The following PRICKLE1 variants were observed in gnomAD, a reference collection of about 807,000 sequenced individuals.
The protein encoded by PRICKLE1 is prickle planar cell polarity protein 1.
Under a neutral mutation model 70.2 loss-of-function variants are expected in PRICKLE1, and 14 were observed. The observed-to-expected ratio is 0.20, with a 90% confidence interval of 0.13 to 0.31. The LOEUF (loss-of-function observed/expected upper bound fraction) is 0.31. Among genes scored for constraint, PRICKLE1 ranks in the 10% least tolerant of loss-of-function variants. The pLI is 1.00. For synonymous variants in PRICKLE1, 357 were observed against 379.9 expected (o/e 0.94, Z 0.70); for missense variants, 821 against 1,026.2 (o/e 0.80, Z 2.73).
chr12:42,467,853 T>C (rs1938163279), intron 5 of PRICKLE1, among the ~76,000 whole-genome samples: 1 of 152,180 alleles, frequency 6.6e-6, no homozygotes, highest in African/African-American at 2.4e-5. Flanking sequence ...CAAAGTTTAT[T>C]GTCATAGATT....
intron 1 of PRICKLE1, among the ~76,000 whole-genome samples, chr12:42,485,151 T>G (rs1938953728): frequency 6.7e-6 from 1 of 148,710 alleles, no homozygotes; most frequent in African/African-American, 2.5e-5. Flanking sequence ...TAAAAATACA[T>G]AAACAAGTTG....
chr12:42,496,723 G>T (rs538876239), intron 1 of PRICKLE1, among the ~76,000 whole-genome samples: 27 of 152,036 alleles, frequency 1.8e-4, no homozygotes, highest in Middle Eastern at 3.4e-3. Flanking sequence ...CTTCTTTCCT[G>T]AAACCTCATG....
chr12:42,498,592 G>C (rs188295098), intron 1 of PRICKLE1, among the ~76,000 whole-genome samples: 1 of 152,104 alleles, frequency 6.6e-6, no homozygotes, highest in Admixed American at 6.6e-5. Flanking sequence ...AGACCAACCT[G>C]GACAATAGGA....
Position 42,458,541 on chromosome 12 carries a change from C to T in PRICKLE1, c.*1268G>A, listed in dbSNP as rs1398461960. The T allele has an allele frequency of 6.6e-6, 1 of 152,194 alleles. No individual in the cohort carries two copies. The highest frequency in any genetic ancestry group is 1.5e-5 in the Non-Finnish European group (1 of 68,044). 9.4% of individuals were successfully genotyped at this position (152,194 alleles called of 1,614,324 possible). A position where few individuals can be genotyped will look rare whatever the true frequency, so the allele number is the denominator to read the frequency against. ...TATTAACTTACAGTACTCAATGGCACAGCATCCTCTAATTTAAAGATTTTA... is the reference window on the plus strand; with the variant it reads ...TATTAACTTACAGTACTCAATGGCATAGCATCCTCTAATTTAAAGATTTTA... On this transcript the variant is annotated 3_prime_UTR_variant, in exon 8 of 8. Transcript: ENST00000345127.
At position 42,472,364 on chromosome 12, in the gene PRICKLE1, AT is replaced by A. The variant is rs1938358501; in HGVS notation, c.132+20del. 6.2e-7 allele frequency: 1 copy of A among 1,613,920 alleles called. No homozygotes were observed. The highest frequency in any genetic ancestry group is 1.1e-5 in the South Asian group (1 of 91,072). ...TCACACTGAAAAACAAAGAGTAAAT[AT>A]AGGATGATGAAGTTCCTACCTGCTC... On this transcript the variant is annotated intron_variant, in intron 2 of 7. Coordinates refer to ENST00000345127, the MANE Select transcript of PRICKLE1 (RefSeq NM_153026.3).
intron 6 of PRICKLE1, 37 bp from the exon 7 acceptor site, chr12:42,465,295 G>A: frequency 6.2e-7 from 1 of 1,607,694 alleles, no homozygotes; most frequent in Non-Finnish European, 8.5e-7. Context: ...ACAGGTTATG[G>A]TTTAATGCCT....
At chr12:42,471,643 A>G (rs1358439820) in intron 2 of PRICKLE1, among the ~76,000 whole-genome samples, 1 of 152,212 alleles carries the variant, frequency 6.6e-6, no homozygotes, top group Non-Finnish European at 1.5e-5. Flanking sequence ...ACCCTACAGG[A>G]AACAGAACCC....
chr12:42,521,431 G>A (rs1939706413), intron 1 of PRICKLE1, among the ~76,000 whole-genome samples: 1 of 152,102 alleles, frequency 6.6e-6, no homozygotes, highest in Non-Finnish European at 1.5e-5. Flanking sequence ...CTACTGCAGT[G>A]GCTCATACCT....
At position 42,522,533 on chromosome 12, in the gene PRICKLE1, G is replaced by GA. The variant is rs1939729974; in HGVS notation, c.-48-49970dup. 2.0e-5 allele frequency among the ~76,000 whole-genome samples: 3 copies of GA among 152,148 alleles called. No individual in the cohort carries two copies. The South Asian group carries it at 6.2e-4, about 32-fold the overall frequency. On this transcript the variant is annotated intron_variant, in intron 1 of 7. Coordinates refer to ENST00000345127, the MANE Select transcript of PRICKLE1 (RefSeq NM_153026.3). ...AAATTATATAAAAATATATTTATAT[G>GA]AAAATGTATCTTGCTTAAATAAGTT...
intron 1 of PRICKLE1, among the ~76,000 whole-genome samples, chr12:42,544,004 A>C (rs55648327): frequency 0.068 from 10,391 of 152,318 alleles, 443 homozygotes; most frequent in Middle Eastern, 0.11. Flanking sequence ...ATTAAGTGGA[A>C]GTGGATAATC....
At chr12:42,575,044 C>T (rs1488904275) in intron 1 of PRICKLE1, among the ~76,000 whole-genome samples, 1 of 150,922 alleles carries the variant, frequency 6.6e-6, no homozygotes, top group Non-Finnish European at 1.5e-5. Flanking sequence ...TCATGGAAAG[C>T]TCTTACAGTA....
rs34778200 is a variant in PRICKLE1, at chr12:42,466,225, C to T, written c.744G>A (p.Ala248=). 2.0e-3 allele frequency: 3,290 copies of T among 1,614,156 alleles called. 63 individuals carry two copies. In the African/African-American group the frequency reaches 0.038, roughly 19 times the overall value. The change falls in exon 6 of 8, where the codon GCG becomes GCA. Residue 248 remains alanine, a synonymous_variant. Transcript: ENST00000345127. Reference sequence around the variant, plus strand: ...GTTCCCCACAGGTTTCACAGTACTCCGCATAGAGAGACTCAAAACAGCCAC... The same window carrying T: ...GTTCCCCACAGGTTTCACAGTACTCTGCATAGAGAGACTCAAAACAGCCAC... ...FCCGCFESLY[A]EYCETCGEHI...
At chr12:42,491,465 A>G (rs907789043) in intron 1 of PRICKLE1, among the ~76,000 whole-genome samples, 2 of 151,792 alleles carry the variant, frequency 1.3e-5, no homozygotes, top group Admixed American at 1.3e-4. Context: ...AGCCAGGAGA[A>G]TCGCTTGAAC....
intron 1 of PRICKLE1, among the ~76,000 whole-genome samples, chr12:42,553,086 G>C (rs1940348074): frequency 6.6e-6 from 1 of 152,164 alleles, no homozygotes; most frequent in South Asian, 2.1e-4. Context: ...TCTTTGGCCT[G>C]GGGGTGGGGA....
At chr12:42,506,344 C>T (rs1939415284) in intron 1 of PRICKLE1, among the ~76,000 whole-genome samples, 1 of 145,502 alleles carries the variant, frequency 6.9e-6, no homozygotes, top group African/African-American at 2.6e-5. Context: ...GAAAACTCTG[C>T]CTCCTGGGTT....
intron 1 of PRICKLE1, among the ~76,000 whole-genome samples, chr12:42,502,775 T>C (rs1016560219): frequency 4.6e-5 from 7 of 152,212 alleles, no homozygotes; most frequent in African/African-American, 1.4e-4. Context: ...AAGGTTTTTC[T>C]TTATGGAGCT....
At chr12:42,461,276 C>A (rs1450725528) in intron 7 of PRICKLE1, among the ~76,000 whole-genome samples, 1 of 152,226 alleles carries the variant, frequency 6.6e-6, no homozygotes, top group Admixed American at 6.5e-5. Flanking sequence ...CTCTTCACAG[C>A]AGCCTGTTCA....
chr12:42,512,611 T>C (rs1014123253), intron 1 of PRICKLE1, among the ~76,000 whole-genome samples: 1 of 152,222 alleles, frequency 6.6e-6, no homozygotes, highest in Non-Finnish European at 1.5e-5. Context: ...GAGTTATTTA[T>C]CTTCATAGCA....
chr12:42,542,458 C>G (rs1310787949), intron 1 of PRICKLE1, among the ~76,000 whole-genome samples: 2 of 152,084 alleles, frequency 1.3e-5, no homozygotes, highest in Non-Finnish European at 2.9e-5. Flanking sequence ...CAAGACCACC[C>G]TGACCAATAT....
Sources: gnomAD v4.1 joint callset for allele counts (sites outside exome capture counted in the v4.1 genomes callset) on GRCh38, gnomAD v4.1.1 for gene constraint, MANE v1.5 for transcripts, NCBI Gene and HGNC (gene_info 2026-07-23, HGNC 2026-07-21) for gene names.